The following CREB5 variants were observed in gnomAD, a reference collection of about 807,000 sequenced individuals.
The protein encoded by CREB5 is cAMP responsive element binding protein 5.
Under a neutral mutation model 57.1 loss-of-function variants are expected in CREB5, and 19 were observed. That is an observed-to-expected ratio of 0.33 (90% CI 0.23 to 0.49). The LOEUF (loss-of-function observed/expected upper bound fraction) is 0.49, where lower values mean the gene tolerates loss of function less well. Among genes scored for constraint, CREB5 ranks in the 20% least tolerant of loss-of-function variants. CREB5 has a pLI of 0.99. For missense variants in CREB5, 579 were observed against 671.6 expected (o/e 0.86, Z 1.52); for synonymous variants, 238 against 238.3 (o/e 1.00, Z 0.01).
At chr7:28,525,603 A>G (rs924554027) in intron 4 of CREB5, among the ~76,000 whole-genome samples, 2 of 152,160 alleles carry the variant, frequency 1.3e-5, no homozygotes, top group Non-Finnish European at 2.9e-5. Context: ...TTGAAAAAAA[A>G]TGTATCTGTT....
chr7:28,383,934 T>C (rs1787023087), intron 1 of CREB5, among the ~76,000 whole-genome samples: 1 of 152,242 alleles, frequency 6.6e-6, no homozygotes, highest in African/African-American at 2.4e-5. Context: ...TTCCTAAAAT[T>C]GTAATGAAGG....
At chr7:28,413,628 C>G (rs1248975357) in intron 1 of CREB5, among the ~76,000 whole-genome samples, 1 of 152,136 alleles carries the variant, frequency 6.6e-6, no homozygotes, top group Non-Finnish European at 1.5e-5. Flanking sequence ...AATTGCCTGT[C>G]AATTAGCGGT....
At position 28,761,002 on chromosome 7, in the gene CREB5, C is replaced by G. The variant is rs548957497; in HGVS notation, c.702+36670C>G. On this transcript the variant is annotated intron_variant, in intron 7 of 10. Transcript: ENST00000357727. ...CAAAGCGTAGCACATATAGGAGGCT[C>G]ATGTTACAGGAAAACCCTTAGAGAC... Among the ~76,000 whole-genome samples, 12 of 152,280 alleles carry G rather than the reference C, an allele frequency of 7.9e-5. No homozygotes were observed. In the East Asian group the frequency reaches 2.3e-3, roughly 29 times the overall value.
At chr7:28,611,721 A>G (rs1190910717) in intron 5 of CREB5, among the ~76,000 whole-genome samples, 1 of 148,774 alleles carries the variant, frequency 6.7e-6, no homozygotes. Context: ...AATAAAATAT[A>G]TATGTGCGAG....
At chr7:28,421,736 C>T (rs964747734) in intron 1 of CREB5, among the ~76,000 whole-genome samples, 2 of 144,608 alleles carry the variant, frequency 1.4e-5, no homozygotes, top group Admixed American at 7.3e-5. Context: ...ACTTGATAGC[C>T]TTTAGCACCA....
At chr7:28,421,339 G>C (rs1459696369) in intron 1 of CREB5, among the ~76,000 whole-genome samples, 1 of 152,122 alleles carries the variant, frequency 6.6e-6, no homozygotes. Context: ...TTTTATGGCT[G>C]AGTAGTATTT....
intron 1 of CREB5, among the ~76,000 whole-genome samples, chr7:28,356,363 G>T (rs1263086320): frequency 1.3e-5 from 2 of 152,168 alleles, no homozygotes; most frequent in Non-Finnish European, 2.9e-5. Context: ...GCATACATGG[G>T]TTTGTGTGAA....
intron 1 of CREB5, among the ~76,000 whole-genome samples, chr7:28,478,630 A>G (rs1187794931): frequency 6.6e-6 from 1 of 152,212 alleles, no homozygotes; most frequent in African/African-American, 2.4e-5. Flanking sequence ...CCTCTCAGTA[A>G]TAATAGAAAA....
At chr7:28,707,409 G>A (rs936197396) in intron 5 of CREB5, among the ~76,000 whole-genome samples, 9 of 152,182 alleles carry the variant, frequency 5.9e-5, no homozygotes, top group African/African-American at 1.7e-4. Flanking sequence ...AGAGGAGTTA[G>A]ATGCCTTGCT....
At chr7:28,712,375 G>A (rs571093963) in intron 5 of CREB5, among the ~76,000 whole-genome samples, 2 of 151,568 alleles carry the variant, frequency 1.3e-5, no homozygotes, top group East Asian at 3.9e-4. Context: ...CGGCATAGTG[G>A]CACATGCCTG....
intron 1 of CREB5, among the ~76,000 whole-genome samples, chr7:28,334,475 C>G (rs1785775761): frequency 6.6e-6 from 1 of 152,142 alleles, no homozygotes; most frequent in Admixed American, 6.5e-5. Context: ...TTTTATATAG[C>G]TGTTTGCCAT....
intron 7 of CREB5, among the ~76,000 whole-genome samples, chr7:28,752,058 A>G (rs1405034079): frequency 6.6e-6 from 1 of 152,230 alleles, no homozygotes; most frequent in Non-Finnish European, 1.5e-5. Flanking sequence ...CTGTCATGTC[A>G]AAGGGTATAT....
chr7:28,303,439 G>T (rs1157758172), intron 1 of CREB5, among the ~76,000 whole-genome samples: 1 of 152,264 alleles, frequency 6.6e-6, no homozygotes, highest in South Asian at 2.1e-4. Flanking sequence ...AATCAAGAGG[G>T]GGAAATTAGC....
At chr7:28,600,428 T>C (rs1177025657) in intron 5 of CREB5, among the ~76,000 whole-genome samples, 1 of 152,218 alleles carries the variant, frequency 6.6e-6, no homozygotes, top group African/African-American at 2.4e-5. Context: ...CTTTTTAGCA[T>C]GGCTTTCCTG....
chr7:28,400,175 C>T (rs1562692170), intron 1 of CREB5, among the ~76,000 whole-genome samples: 2 of 152,156 alleles, frequency 1.3e-5, no homozygotes, highest in African/African-American at 4.8e-5. Context: ...AAAAACACAG[C>T]AGAGCATGAT....
At chr7:28,469,309 C>G (rs190911497) in intron 1 of CREB5, among the ~76,000 whole-genome samples, 1 of 152,146 alleles carries the variant, frequency 6.6e-6, no homozygotes, top group South Asian at 2.1e-4. Flanking sequence ...CTAACAAATA[C>G]GCCTATGGAT....
intron 1 of CREB5, among the ~76,000 whole-genome samples, chr7:28,382,861 C>A (rs966265293): frequency 1.3e-5 from 2 of 151,822 alleles, no homozygotes. Context: ...AGCTTTGTCC[C>A]TTTCTCCCAA....
chr7:28,552,642 G>T (rs1011669857), intron 4 of CREB5, among the ~76,000 whole-genome samples: 21 of 152,138 alleles, frequency 1.4e-4, no homozygotes, highest in African/African-American at 4.6e-4. Context: ...ATGTCATGTT[G>T]TCTTATGACT....
chr7:28,794,902 G>A (rs1308060278), intron 7 of CREB5, among the ~76,000 whole-genome samples: 1 of 152,174 alleles, frequency 6.6e-6, no homozygotes, highest in African/African-American at 2.4e-5. Context: ...TCGTCCCAGT[G>A]TTACAGAGGA....
Sources: gnomAD v4.1 joint callset for allele counts (sites outside exome capture counted in the v4.1 genomes callset) on GRCh38, gnomAD v4.1.1 for gene constraint, MANE v1.5 for transcripts, NCBI Gene and HGNC (gene_info 2026-07-23, HGNC 2026-07-21) for gene names.